The following EMILIN2 variants were observed in gnomAD, a reference collection of about 807,000 sequenced individuals.
The protein encoded by EMILIN2 is EMILIN-2.
EMILIN2 carries 71 observed loss-of-function variants against 87.1 expected under a neutral mutation model. The ratio of observed to expected loss-of-function variants is 0.82; its 90% CI spans 0.67 to 0.99. EMILIN2 has a LOEUF of 0.99. EMILIN2 is among the 50% of genes least tolerant of loss of function. EMILIN2 has a pLI of 0.00. For missense variants in EMILIN2, 1,407 were observed against 1,371.8 expected (o/e 1.03, Z -0.40); for synonymous variants, 581 against 563.4 (o/e 1.03, Z -0.44).
intron 4 of EMILIN2, among the ~76,000 whole-genome samples, chr18:2,899,325 G>A (rs1466389035): frequency 1.3e-5 from 2 of 152,152 alleles, no homozygotes; most frequent in Admixed American, 6.5e-5. Context: ...GACTGACACT[G>A]CGCCACCAAT....
At chr18:2,862,088 C>G (rs1398909427) in intron 2 of EMILIN2, among the ~76,000 whole-genome samples, 1 of 152,142 alleles carries the variant, frequency 6.6e-6, no homozygotes, top group Admixed American at 6.5e-5. Flanking sequence ...GATTTTGTAT[C>G]CTGAGACTTT....
Position 2,851,120 on chromosome 18 carries a change from G to A in EMILIN2, c.257+3189G>A, listed in dbSNP as rs148560877. Among the ~76,000 whole-genome samples the A allele has an allele frequency of 5.2e-3, 791 of 151,666 alleles. 8 individuals carry two copies. The highest frequency in any genetic ancestry group is 0.018 in the African/African-American group (760 of 41,326). On this transcript the variant is annotated intron_variant, in intron 2 of 7. Transcript: ENST00000254528. ...AAAAAAAAAAAGGAGCTGAATAGTA[G>A]CCAAGCAGGTAAAGAATTACTTAGA... is the stretch of plus-strand genomic sequence containing the variant.
At chr18:2,904,513 C>G (rs2076900995) in intron 4 of EMILIN2, among the ~76,000 whole-genome samples, 1 of 152,194 alleles carries the variant, frequency 6.6e-6, no homozygotes. Context: ...TGAAAGATTT[C>G]CTTGATTTTT....
At position 2,902,314 on chromosome 18, in the gene EMILIN2, C is replaced by A. The variant is rs538616136; in HGVS notation, c.2360-4469C>A. Among the ~76,000 whole-genome samples the A allele has an allele frequency of 7.2e-5, 11 of 152,230 alleles. No homozygotes were observed. In the South Asian group the frequency reaches 2.3e-3, roughly 32 times the overall value. On this transcript the variant is annotated intron_variant, in intron 4 of 7. Coordinates refer to ENST00000254528, the MANE Select transcript of EMILIN2 (RefSeq NM_032048.3). ...GTCAGTTACCAGGCCTTGTGCTAGG[C>A]CCTGGGGATGGCAGAGAATTAAGAT...
chr18:2,892,279 T>G lies in EMILIN2; in HGVS notation c.2152T>G (p.Ser718Ala). ...HMEKTCSKLDSISGNLQRIKE... is the reference protein window; with the variant it reads ...HMEKTCSKLDAISGNLQRIKE... ...GGAGAAAACTTGCAGCAAGCTGGACTCTATCTCAGGAAATCTTCAGAGGAT... is the reference window on the plus strand; with the variant it reads ...GGAGAAAACTTGCAGCAAGCTGGACGCTATCTCAGGAAATCTTCAGAGGAT... Residue 718 changes from serine (S) to alanine (A), a missense_variant, in exon 4 of 8, where the codon TCT (serine) becomes GCT (alanine). Physicochemically the swap from Ser to Ala is moderately conservative, Grantham distance 99. Transcript: ENST00000254528. 6.2e-7 allele frequency: 1 copy of G among 1,614,102 alleles called. No individual in the cohort carries two copies. Among genetic ancestry groups the G allele is most frequent in the Non-Finnish European group, 8.5e-7 (1 of 1,179,998 alleles).
upstream of EMILIN2, chr18:2,846,807 G>GT: frequency 2.0e-6 from 2 of 985,434 alleles, no homozygotes; most frequent in Non-Finnish European, 2.4e-6. This position sits in a 1 kb window ranked among gnomAD's most constrained non-coding sequence, Gnocchi z 5.3. Context: ...TGGAAATGCT[G>GT]TAACGTAGAC....
chr18:2,867,963 G>T (rs1428228247), intron 2 of EMILIN2, among the ~76,000 whole-genome samples: 2 of 150,816 alleles, frequency 1.3e-5, no homozygotes, highest in East Asian at 3.9e-4. Flanking sequence ...GGACGGGGCG[G>T]CTGGCCGGGC....
chr18:2,876,842 C>T (rs35189629), intron 2 of EMILIN2, among the ~76,000 whole-genome samples: 92,188 of 151,786 alleles, frequency 0.61, 28,449 homozygotes, highest in East Asian at 0.92. Context: ...TTTAGATTCA[C>T]TGGATACATT....
Position 2,870,610 on chromosome 18 carries a change from A to C in EMILIN2, c.258-14354A>C, listed in dbSNP as rs895527347. 2.6e-5 allele frequency among the ~76,000 whole-genome samples: 4 copies of C among 152,254 alleles called. No homozygotes were observed. The South Asian group carries it at 8.3e-4, about 31-fold the overall frequency. On this transcript the variant is annotated intron_variant, in intron 2 of 7. Transcript: ENST00000254528. ...GTGCTGGGGTGTTCAGAGGTAGAAG[A>C]AAGTTATTTCCAGCCAGGAGGAATC...
At chr18:2,877,997 A>G (rs948080996) in intron 2 of EMILIN2, among the ~76,000 whole-genome samples, 1 of 152,222 alleles carries the variant, frequency 6.6e-6, no homozygotes, top group African/African-American at 2.4e-5. Context: ...TATAAGAGTC[A>G]TCAAATTCAT....
chr18:2,901,000 CTT>C (rs1165587611), intron 4 of EMILIN2, among the ~76,000 whole-genome samples: 1 of 152,230 alleles, frequency 6.6e-6, no homozygotes, highest in African/African-American at 2.4e-5. Flanking sequence ...ATGAATTACA[CTT>C]AACATTTGCA....
intron 5 of EMILIN2, 119 bp downstream of exon 5, chr18:2,907,204 G>A: frequency 9.2e-7 from 1 of 1,091,222 alleles, no homozygotes; most frequent in Middle Eastern, 3.5e-4. Flanking sequence ...GGCAAGTTCC[G>A]AAATGCAGCT....
intron 4 of EMILIN2, among the ~76,000 whole-genome samples, chr18:2,899,086 A>AAAG (rs1053274483): frequency 2.0e-5 from 3 of 151,008 alleles, no homozygotes; most frequent in Admixed American, 1.3e-4. Context: ...ATCTTTAAAA[A>AAAG]AAACAAAAAC....
At position 2,890,294 on chromosome 18, in the gene EMILIN2, TTA is replaced by T. The variant is rs1307110006; in HGVS notation, c.434-264_434-263del. On this transcript the variant is annotated intron_variant, in intron 3 of 7. Transcript: ENST00000254528. This position sits in a 1 kb window ranked among gnomAD's most constrained non-coding sequence, Gnocchi z 4.7. ...TAACAGCTCTAGAAGCTGTTCTTCT[TTA>T]TAGATGAGAGGATTATAGTTCACAG... Among the ~76,000 whole-genome samples, 4 of 152,148 alleles carry T rather than the reference TTA, an allele frequency of 2.6e-5. No individual in the cohort carries two copies. Among genetic ancestry groups the T allele is most frequent in the Admixed American group, 6.5e-5 (1 of 15,278 alleles).
At chr18:2,883,841 G>A (rs112698048) in intron 2 of EMILIN2, among the ~76,000 whole-genome samples, 2,454 of 152,358 alleles carry the variant, frequency 0.016, 76 homozygotes, top group African/African-American at 0.056. Context: ...GACACAAATA[G>A]TGTGAGCTGC....
intron 2 of EMILIN2, among the ~76,000 whole-genome samples, chr18:2,858,613 A>ATATATT (rs2076644696): frequency 7.9e-6 from 1 of 127,088 alleles, no homozygotes; most frequent in African/African-American, 3.2e-5. Flanking sequence ...GTGTATATAT[A>ATATATT]TATATGTTCC....
intron 2 of EMILIN2, among the ~76,000 whole-genome samples, chr18:2,876,553 T>G (rs1347060299): frequency 1.7e-4 from 22 of 128,648 alleles, no homozygotes; most frequent in Admixed American, 1.6e-3. Flanking sequence ...GATCACAAGG[T>G]CAGGAGATCG....
In EMILIN2 at chr18:2,906,827, C is replaced by G; in HGVS notation, c.2404C>G (p.Leu802Val). 7.5e-7 allele frequency: 1 copy of G among 1,331,230 alleles called. No individual in the cohort carries two copies. Among genetic ancestry groups the G allele is most frequent in the Non-Finnish European group, 9.6e-7 (1 of 1,044,704 alleles). The allele number at this position is 1,331,230 out of a possible 1,614,324, so 82.5% of individuals were successfully genotyped here. A position where few individuals can be genotyped will look rare whatever the true frequency, so the allele number is the denominator to read the frequency against. The change falls in exon 5 of 8, where the codon CTG becomes GTG. Residue 802 changes from leucine (L) to valine (V), a missense_variant. By Grantham distance (32) the Leu-to-Val change is conservative. Coordinates refer to ENST00000254528, the MANE Select transcript of EMILIN2 (RefSeq NM_032048.3). Reference sequence around the variant, plus strand: ...GCCCGCAGAGGCCCCGAAGGAGCCGCTGCAGCCCGAGCCCGCCCCGCCGAG... The same window carrying G: ...GCCCGCAGAGGCCCCGAAGGAGCCGGTGCAGCCCGAGCCCGCCCCGCCGAG... ...PPPAEAPKEP[L>V]QPEPAPPRPS... is the part of the protein sequence containing the mutation.
chr18:2,897,508 T>C (rs2076868970), intron 4 of EMILIN2, among the ~76,000 whole-genome samples: 2 of 152,130 alleles, frequency 1.3e-5, no homozygotes, highest in Admixed American at 6.6e-5. Flanking sequence ...CACAGGTTTT[T>C]TTGTTTTTCT....
Sources: gnomAD v4.1 joint callset for allele counts (sites outside exome capture counted in the v4.1 genomes callset) on GRCh38, gnomAD v4.1.1 for gene constraint, Gnocchi (gnomAD v3.1) non-coding constraint, MANE v1.5 for transcripts, NCBI Gene and HGNC (gene_info 2026-07-23, HGNC 2026-07-21) for gene names.